Variants in XPO6 observed in about 807,000 individuals in gnomAD.
XPO6 encodes the protein exportin-6.
Under a neutral mutation model 130.0 loss-of-function variants are expected in XPO6, and 3 were observed. That is an observed-to-expected ratio of 0.02 (90% CI 0.01 to 0.06). The LOEUF (loss-of-function observed/expected upper bound fraction) is 0.06, where lower values mean the gene tolerates loss of function less well. XPO6 is among the 10% of genes least tolerant of loss of function. XPO6 has a pLI of 1.00. For missense variants in XPO6, 970 were observed against 1,393.0 expected (o/e 0.70, Z 4.83); for synonymous variants, 524 against 548.9 (o/e 0.95, Z 0.63).
In XPO6 at chr16:28,169,885, G is replaced by C. The variant is rs2043421496; in HGVS notation, c.430C>G (p.Pro144Ala). Residue 144 changes from proline to alanine, a missense_variant, in exon 5 of 24, where the codon CCC becomes GCC. This residue lies in a region of XPO6 where 936 missense variants were observed against 1,306.8 expected (regional missense o/e 0.72). Coordinates refer to ENST00000304658, the MANE Select transcript of XPO6 (RefSeq NM_015171.4). ...LQLIQSPVTT[P>A]LGLIMLKTTS... ...GTCTTCAACATGATCAGCCCAAGGG[G>C]GGTTGTCACAGGGGACTGGATCAAC... 1 of 1,614,068 alleles carries C rather than the reference G, an allele frequency of 6.2e-7. No individual in the cohort carries two copies. The highest frequency in any genetic ancestry group is 8.5e-7 in the Non-Finnish European group (1 of 1,179,978).
At chr16:28,113,631 T>C (rs1230915708) in intron 15 of XPO6, among the ~76,000 whole-genome samples, 1 of 152,192 alleles carries the variant, frequency 6.6e-6, no homozygotes, top group Admixed American at 6.6e-5. Context: ...GCAGAATTAC[T>C]TCGGGAAAAA....
chr16:28,104,715 GAC>G lies in XPO6; in HGVS notation c.2785-10_2785-9del, dbSNP rs755839609. On this transcript the variant is annotated splice_polypyrimidine_tract_variant and intron_variant, in intron 20 of 23. Transcript: ENST00000304658. ...CACATCAGGGGAGGGACGCTGCAAA[GAC>G]ACACAGACGCTCAGACCTGCAGCTT... is the stretch of plus-strand genomic sequence containing the variant. The G allele has an allele frequency of 4.3e-6, 7 of 1,613,348 alleles. No homozygotes were observed. In the African/African-American group the frequency reaches 6.7e-5, roughly 15 times the overall value.
intron 4 of XPO6, among the ~76,000 whole-genome samples, chr16:28,171,072 C>CTT (rs75349360): frequency 1.7e-4 from 24 of 142,834 alleles, no homozygotes; most frequent in South Asian, 1.3e-3. Context: ...CCCTGACACA[C>CTT]TTTTTTTTTT....
intron 1 of XPO6, among the ~76,000 whole-genome samples, chr16:28,186,205 C>A (rs868533894): frequency 1.5e-4 from 23 of 152,036 alleles, no homozygotes; most frequent in Middle Eastern, 3.2e-3. Context: ...CACTCTTTTG[C>A]AGGTTTGTAC....
chr16:28,177,086 G>A (rs2043545657), intron 3 of XPO6, 134 bp downstream of exon 3: 1 of 451,960 alleles, frequency 2.2e-6, no homozygotes, highest in Non-Finnish European at 3.9e-6. Context: ...ACTACATAAA[G>A]ACAGTATGTG....
chr16:28,199,766 G>A (rs962833775), intron 1 of XPO6, among the ~76,000 whole-genome samples: 3 of 151,810 alleles, frequency 2.0e-5, no homozygotes, highest in Non-Finnish European at 4.4e-5. Context: ...GGCTGGTCTC[G>A]AACGCCTGAC....
At chr16:28,110,905 C>A (rs1392166822) in intron 17 of XPO6, among the ~76,000 whole-genome samples, 1 of 152,120 alleles carries the variant, frequency 6.6e-6, no homozygotes, top group Admixed American at 6.5e-5. Context: ...CACAGTATAC[C>A]CTCAATATGT....
At chr16:28,170,697 C>G (rs1442957188) in intron 4 of XPO6, among the ~76,000 whole-genome samples, 1 of 152,192 alleles carries the variant, frequency 6.6e-6, no homozygotes, top group African/African-American at 2.4e-5. Flanking sequence ...TTAAATATAG[C>G]AGAGCAACAC....
At chr16:28,127,350 G>A (rs748199779) in intron 12 of XPO6, among the ~76,000 whole-genome samples, 10 of 152,018 alleles carry the variant, frequency 6.6e-5, no homozygotes, top group South Asian at 2.1e-4. Flanking sequence ...CTTGGCACCC[G>A]TGCCCATAAG....
chr16:28,153,015 G>C, intron 7 of XPO6: 2 of 1,168,754 alleles, frequency 1.7e-6, no homozygotes, highest in Non-Finnish European at 2.1e-6. Context: ...GTCTGCTAAG[G>C]CTTCTTATAA....
In XPO6 at chr16:28,180,867, T is replaced by G. The variant is rs2043604449; in HGVS notation, c.94+74A>C. On this transcript the variant is annotated intron_variant, in intron 2 of 23. Coordinates refer to ENST00000304658, the MANE Select transcript of XPO6 (RefSeq NM_015171.4). ...GCACGCAGACTTGACCAGTCACGGCTACGAACAACTCCTTCCTCCCTACCA... is the reference window on the plus strand; with the variant it reads ...GCACGCAGACTTGACCAGTCACGGCGACGAACAACTCCTTCCTCCCTACCA... The G allele has an allele frequency of 2.4e-6, 3 of 1,244,030 alleles. No individual in the cohort carries two copies. The Admixed American group carries it at 6.2e-5, about 26-fold the overall frequency. The allele number at this position is 1,244,030 out of a possible 1,614,324, so 77.1% of individuals were successfully genotyped here.
intron 1 of XPO6, among the ~76,000 whole-genome samples, chr16:28,189,409 G>A (rs1035151662): frequency 2.6e-5 from 4 of 152,042 alleles, no homozygotes; most frequent in South Asian, 2.1e-4. Flanking sequence ...TGGATGACTC[G>A]CTCAAAGACA....
intron 1 of XPO6, among the ~76,000 whole-genome samples, chr16:28,182,203 T>G (rs1244484847): frequency 6.6e-6 from 1 of 152,156 alleles, no homozygotes; most frequent in Non-Finnish European, 1.5e-5. Flanking sequence ...AAACTGCATT[T>G]TAAAACAACA....
intron 6 of XPO6, 65 bp from the exon 7 acceptor site, chr16:28,156,592 TCTC>T: frequency 8.5e-7 from 1 of 1,181,318 alleles, no homozygotes; most frequent in Non-Finnish European, 1.2e-6. Flanking sequence ...TTTAAGTAAT[TCTC>T]CTTCAAAAAA....
chr16:28,198,322 T>G (rs946305094), intron 1 of XPO6, among the ~76,000 whole-genome samples: 1 of 103,848 alleles, frequency 9.6e-6, no homozygotes, highest in Admixed American at 9.7e-5. Flanking sequence ...TTGAATCCAA[T>G]GGTGGTAATT....
Position 28,133,880 on chromosome 16 carries a change from T to A in XPO6, c.1497A>T (p.Lys499Asn). ...YLRQSLEVVA[K>N]VMELLPTHAF... ...CGTGCGTGGGCAGGAGCTCCATCAC[T>A]TTGGCCACCACCTCCAAGCTCTGCC... Residue 499 changes from lysine (K) to asparagine (N), a missense_variant, in exon 11 of 24, where the codon AAA becomes AAT. Lys to Asn is a moderately conservative substitution (Grantham distance 94). Transcript: ENST00000304658. 2 of 1,614,060 alleles carry A rather than the reference T, an allele frequency of 1.2e-6. No homozygotes were observed. Among genetic ancestry groups the A allele is most frequent in the South Asian group, 2.2e-5 (2 of 91,070 alleles).
chr16:28,103,674 C>T (rs205358), intron 21 of XPO6, among the ~76,000 whole-genome samples: 9,727 of 152,096 alleles, frequency 0.064, 399 homozygotes, highest in Middle Eastern at 0.13. Context: ...GCAGGGGAGG[C>T]GCAAACACTT....
At chr16:28,130,676 G>A (rs895981715) in intron 12 of XPO6, among the ~76,000 whole-genome samples, 11 of 152,124 alleles carry the variant, frequency 7.2e-5, no homozygotes, top group African/African-American at 2.7e-4. Flanking sequence ...TAAATGATCC[G>A]GACGAGCCGA....
intron 23 of XPO6, among the ~76,000 whole-genome samples, chr16:28,100,186 G>A (rs1330090390): frequency 1.3e-5 from 2 of 152,010 alleles, no homozygotes; most frequent in African/African-American, 4.8e-5. Flanking sequence ...ACAGGGTTTC[G>A]CCATGTTGGC....
Sources: allele counts gnomAD v4.1 joint callset (sites outside exome capture counted in the v4.1 genomes callset), GRCh38; gene constraint gnomAD v4.1.1; regional missense constraint gnomAD v4.1.1; transcripts MANE v1.5; gene names NCBI Gene and HGNC (gene_info 2026-07-23, HGNC 2026-07-21).